Variants in UNKL observed in about 807,000 individuals in gnomAD.
UNKL encodes putative E3 ubiquitin-protein ligase UNKL.
Under a neutral mutation model 78.0 loss-of-function variants are expected in UNKL, and 60 were observed. That is an observed-to-expected ratio of 0.77 (90% CI 0.63 to 0.95). The LOEUF (loss-of-function observed/expected upper bound fraction) is 0.95, where lower values mean the gene tolerates loss of function less well. Among genes scored for constraint, UNKL ranks in the 40% least tolerant of loss-of-function variants. The pLI is 0.00. For synonymous variants in UNKL, 608 were observed against 474.8 expected (o/e 1.28, Z -3.65); for missense variants, 1,159 against 1,045.7 (o/e 1.11, Z -1.49).
At chr16:1,406,058 G>A (rs1308150607) in intron 2 of UNKL, 1 of 456,462 alleles carries the variant, frequency 2.2e-6, no homozygotes. Context: ...CTGGTTCCCA[G>A]GGAACGTGCG....
chr16:1,412,958 T>G (rs1312893134), intron 2 of UNKL, among the ~76,000 whole-genome samples: 1 of 151,574 alleles, frequency 6.6e-6, no homozygotes, highest in Non-Finnish European at 1.5e-5. Flanking sequence ...CAAATCAGAG[T>G]GGGAAACAGC....
rs13329723 is a variant in UNKL at position 1,384,367 on chromosome 16, G to A, written c.1264+841C>T. Among the ~76,000 whole-genome samples, 1,102 of 151,894 alleles carry A rather than the reference G, an allele frequency of 7.3e-3. 14 individuals are homozygous for A. The highest frequency in any genetic ancestry group is 0.024 in the African/African-American group (1,010 of 41,390). ...CCCAGCTCTGCCTGCTGCCCACTCCGGGCTTCTGGAAGAATCTGCCCCCCA... is the reference window on the plus strand; with the variant it reads ...CCCAGCTCTGCCTGCTGCCCACTCCAGGCTTCTGGAAGAATCTGCCCCCCA... On this transcript the variant is annotated intron_variant, in intron 10 of 14. Transcript: ENST00000389221.
rs2035050477 is a variant in UNKL at position 1,364,178 on chromosome 16, C to T, written c.*2062G>A. 1 of 152,166 alleles carries T rather than the reference C, an allele frequency of 6.6e-6. No individual in the cohort carries two copies. Among genetic ancestry groups the T allele is most frequent in the Non-Finnish European group, 1.5e-5 (1 of 68,010 alleles). The allele number at this position is 152,166 out of a possible 1,614,324, so 9.4% of individuals were successfully genotyped here. On this transcript the variant is annotated 3_prime_UTR_variant, in exon 15 of 15. Coordinates refer to ENST00000389221, the MANE Select transcript of UNKL (RefSeq NM_001372107.1). Reference sequence around the variant, plus strand: ...GCTAATAAATCACTGTAGTTAAAAACAAAATAGATTCACTGAAACCAAGTC... The same window carrying T: ...GCTAATAAATCACTGTAGTTAAAAATAAAATAGATTCACTGAAACCAAGTC...
At chr16:1,375,378 C>T (rs181782628) in intron 10 of UNKL, among the ~76,000 whole-genome samples, 1 of 152,322 alleles carries the variant, frequency 6.6e-6, no homozygotes, top group Non-Finnish European at 1.5e-5. Context: ...CCACCCCCAC[C>T]CCACTCCACC....
At position 1,413,962 on chromosome 16, in the gene UNKL, G is replaced by A. The variant is rs1168576049; in HGVS notation, c.171C>T (p.Phe57=). The change falls in exon 2 of 15, where the codon TTC becomes TTT. Residue 57 remains phenylalanine (F), a synonymous_variant. Transcript: ENST00000389221. ...GGGGCCTGCGGCGCCGCTGGTTGAG[G>A]AAGTGCCAGTGGAAGCAGGTGAACG... ...HRPFTCFHWH[F]LNQRRRRPLR... 3.9e-6 allele frequency: 6 copies of A among 1,552,782 alleles called. No individual in the cohort carries two copies. The highest frequency in any genetic ancestry group is 2.4e-5 in the South Asian group (2 of 84,240).
chr16:1,366,158 A>T lies in UNKL; in HGVS notation c.*82T>A, dbSNP rs548719190. On this transcript the variant is annotated 3_prime_UTR_variant, in exon 15 of 15. Transcript: ENST00000389221. ...CCTCGGTCCTCACGTCGGTGGCACC[A>T]GAAGCGAGTGACGACATGTCCGTGG... 2 of 1,396,554 alleles carry T rather than the reference A, an allele frequency of 1.4e-6. No individual in the cohort carries two copies. The highest frequency in any genetic ancestry group is 3.2e-5 in the South Asian group (2 of 63,292). The allele number at this position is 1,396,554 out of a possible 1,614,324, so 86.5% of individuals were successfully genotyped here.
At chr16:1,377,192 T>C (rs914187977) in intron 10 of UNKL, among the ~76,000 whole-genome samples, 1 of 152,174 alleles carries the variant, frequency 6.6e-6, no homozygotes, top group Non-Finnish European at 1.5e-5. Context: ...CCAGCTAATT[T>C]TGCATTTTTA....
At chr16:1,402,054 T>C (rs113693104) in intron 3 of UNKL, among the ~76,000 whole-genome samples, 1,591 of 152,356 alleles carry the variant, frequency 0.01, 30 homozygotes, top group African/African-American at 0.037. Flanking sequence ...TGGGCCACTA[T>C]GCTCAGCCCC....
In UNKL at chr16:1,392,962, C is replaced by T. The variant is rs1177344793; in HGVS notation, c.952G>A (p.Val318Met). ...AGGTCGTGACAGCCCCATTCATTCA[C>T]CATCCCCAGGCTCTCTGCAAGGACA... Reference protein sequence around the residue: ...FAHVEKSLGMVNEWGCHDLHL... With the variant: ...FAHVEKSLGMMNEWGCHDLHL... The change falls in exon 8 of 15, where the codon GTG becomes ATG. Residue 318 changes from valine (V) to methionine (M), a missense_variant. Physicochemically the swap from Val to Met is conservative, Grantham distance 21 (BLOSUM62 1). Coordinates refer to ENST00000389221, the MANE Select transcript of UNKL (RefSeq NM_001372107.1). The T allele has an allele frequency of 6.4e-7, 1 of 1,550,442 alleles. No homozygotes were observed. Among genetic ancestry groups the T allele is most frequent in the African/African-American group, 1.4e-5 (1 of 73,048 alleles).
intron 7 of UNKL, 56 bp from the exon 8 acceptor site, chr16:1,393,032 C>T (rs534814150): frequency 1.8e-5 from 27 of 1,517,416 alleles, no homozygotes; most frequent in South Asian, 1.6e-4. Flanking sequence ...GACAGTGACA[C>T]GCAGAAGTCT....
At position 1,367,327 on chromosome 16, in the gene UNKL, T is replaced by G; in HGVS notation, c.1811A>C (p.Glu604Ala). Residue 604 changes from glutamate to alanine, a missense_variant, in exon 14 of 15, where the codon GAG becomes GCG. Transcript: ENST00000389221. ...VKQVCDAWQREAQEAKERARV... is the reference protein window; with the variant it reads ...VKQVCDAWQRAAQEAKERARV... ...GGCACGCTCCTTGGCCTCCTGCGCC[T>G]CTCGCTGCCAGGCATCGCAGACCTG... 6.5e-7 allele frequency: 1 copy of G among 1,546,998 alleles called. No individual in the cohort carries two copies. The highest frequency in any genetic ancestry group is 2.4e-5 in the East Asian group (1 of 41,266).
intron 2 of UNKL, among the ~76,000 whole-genome samples, chr16:1,404,173 C>A (rs777276775): frequency 1.3e-5 from 2 of 152,198 alleles, no homozygotes; most frequent in Non-Finnish European, 2.9e-5. Context: ...CGAGCCCTGG[C>A]TGGTCACAGA....
intron 2 of UNKL, among the ~76,000 whole-genome samples, chr16:1,413,032 G>C (rs1374009949): frequency 1.3e-5 from 2 of 152,068 alleles, no homozygotes; most frequent in Admixed American, 1.3e-4. Context: ...AGGATTGCTT[G>C]AGCCCAGAAG....
rs539427430 is a variant in UNKL, at chr16:1,398,397, C to T, written c.734+977G>A. The T allele has an allele frequency of 7.4e-5, 76 of 1,025,720 alleles. No individual in the cohort carries two copies. In the Admixed American group the frequency reaches 9.7e-4, roughly 13 times the overall value. The allele number at this position is 1,025,720 out of a possible 1,614,324, so 63.5% of individuals were successfully genotyped here. On this transcript the variant is annotated intron_variant, in intron 5 of 14. Transcript: ENST00000389221. ...AATAATTTTTATTTTCTTTCCATGA[C>T]GGGCGATGACAAAATCTCAGACACT...
intron 3 of UNKL, 43 bp from the exon 4 acceptor site, chr16:1,401,744 C>G (rs1259859381): frequency 6.4e-7 from 1 of 1,572,072 alleles, no homozygotes; most frequent in Non-Finnish European, 8.6e-7. Flanking sequence ...GCATCTGGAG[C>G]CTCCAAAGCT....
rs778015538 is a variant in UNKL at position 1,367,783 on chromosome 16, C to G, written c.1661G>C (p.Ser554Thr). ...ACTCGAAGAGGATGGGGGGCCGGCA[C>G]TCAGGATGGGGGAGGGGCTGGGGGA... ...SFSPSPSPILSAGPPSSSSAS... is the reference protein window; with the variant it reads ...SFSPSPSPILTAGPPSSSSAS... The change falls in exon 13 of 15, where the codon AGT (serine) becomes ACT (threonine). Residue 554 changes from serine to threonine, a missense_variant. Physicochemically the swap from Ser to Thr is moderately conservative, Grantham distance 58. Coordinates refer to ENST00000389221, the MANE Select transcript of UNKL (RefSeq NM_001372107.1). The G allele has an allele frequency of 2.5e-6, 4 of 1,574,102 alleles. No individual in the cohort carries two copies. In the Admixed American group the frequency reaches 5.5e-5, roughly 22 times the overall value.
intron 10 of UNKL, among the ~76,000 whole-genome samples, chr16:1,381,905 T>C (rs2036620858): frequency 6.6e-6 from 1 of 152,180 alleles, no homozygotes; most frequent in Non-Finnish European, 1.5e-5. Flanking sequence ...ACTGTACCAC[T>C]GCACTCCTGC....
rs1222345732 is a variant in UNKL at position 1,368,395 on chromosome 16, G to A, written c.1586-537C>T. The stretch of plus-strand genomic sequence containing the variant: ...AGGCGGGTGGATCATGAGGTCAGGA[G>A]ATCGAGACCATCCTGGCTAACAAGG... On this transcript the variant is annotated intron_variant, in intron 12 of 14. Coordinates refer to ENST00000389221, the MANE Select transcript of UNKL (RefSeq NM_001372107.1). Among the ~76,000 whole-genome samples the A allele has an allele frequency of 1.2e-4, 18 of 152,016 alleles. No homozygotes were observed. The East Asian group carries it at 2.7e-3, about 23-fold the overall frequency.
Position 1,399,673 on chromosome 16 carries a change from C to G in UNKL, c.599-164G>C. ...CGGCACACGCTGATGTCAAAGGACT[C>G]GCGCTCCATGAGGGAAGCCGGGCCA... On this transcript the variant is annotated intron_variant, in intron 4 of 14. Transcript: ENST00000389221. This position sits in a 1 kb window ranked among gnomAD's most constrained non-coding sequence, Gnocchi z 5.8. 9.3e-6 allele frequency: 10 copies of G among 1,074,724 alleles called. No individual in the cohort carries two copies. Among genetic ancestry groups the G allele is most frequent in the Non-Finnish European group, 1.3e-5 (10 of 758,478 alleles). 66.6% of individuals were successfully genotyped at this position (1,074,724 alleles called of 1,614,324 possible). A position where few individuals can be genotyped will look rare whatever the true frequency, so the allele number is the denominator to read the frequency against.
Sources: gnomAD v4.1 joint callset for allele counts (sites outside exome capture counted in the v4.1 genomes callset) on GRCh38, gnomAD v4.1.1 for gene constraint, Gnocchi (gnomAD v3.1) non-coding constraint, MANE v1.5 for transcripts, NCBI Gene and HGNC (gene_info 2026-07-23, HGNC 2026-07-21) for gene names.